The following ALK variants were observed in gnomAD, a reference collection of about 807,000 sequenced individuals.
ALK encodes ALK receptor tyrosine kinase.
A neutral mutation model predicts 163.1 loss-of-function variants in ALK; 74 were observed. The ratio of observed to expected loss-of-function variants is 0.45; its 90% CI spans 0.38 to 0.55. The LOEUF is 0.55. Among genes scored for constraint, ALK ranks in the 20% least tolerant of loss-of-function variants. The probability of loss-of-function intolerance (pLI) is 0.00; values close to 1 mark genes in which losing one functional copy is unlikely to be tolerated. For synonymous variants in ALK, 960 were observed against 843.2 expected (o/e 1.14, Z -2.40); for missense variants, 2,063 against 2,105.3 (o/e 0.98, Z 0.39).
intron 15 of ALK, among the ~76,000 whole-genome samples, chr2:29,229,828 C>T (rs1664142443): frequency 6.6e-6 from 1 of 152,204 alleles, no homozygotes; most frequent in East Asian, 1.9e-4. Context: ...GCCAGGCGCT[C>T]AGGAACTGCT....
At chr2:29,402,317 G>A (rs1669468053) in intron 4 of ALK, among the ~76,000 whole-genome samples, 1 of 152,206 alleles carries the variant, frequency 6.6e-6, no homozygotes, top group South Asian at 2.1e-4. Context: ...TTCCCCACAG[G>A]CCTGTGCCTA....
chr2:29,861,132 A>G (rs796451230), intron 1 of ALK, among the ~76,000 whole-genome samples: 2 of 152,306 alleles, frequency 1.3e-5, no homozygotes, highest in African/African-American at 2.4e-5. Context: ...TAATTGTACC[A>G]TTGCACTCCA....
chr2:29,582,860 CT>C (rs11406173), intron 3 of ALK, among the ~76,000 whole-genome samples: 3,721 of 137,736 alleles, frequency 0.027, 118 homozygotes, highest in African/African-American at 0.074. Flanking sequence ...CCCAGCACTC[CT>C]TTTTTTTTTT....
chr2:29,362,825 A>C (rs1558693871), intron 5 of ALK, among the ~76,000 whole-genome samples: 1 of 152,230 alleles, frequency 6.6e-6, no homozygotes, highest in Non-Finnish European at 1.5e-5. Context: ...TAGCAGGTAC[A>C]ATCCCCACTC....
chr2:29,841,206 A>AAAT (rs146131766), intron 1 of ALK, among the ~76,000 whole-genome samples: 7 of 152,224 alleles, frequency 4.6e-5, no homozygotes, highest in African/African-American at 1.7e-4. Context: ...ATTTAAAAAA[A>AAAT]AGACAAAATA....
chr2:29,595,299 GA>G (rs1228268630), intron 3 of ALK, among the ~76,000 whole-genome samples: 1 of 150,492 alleles, frequency 6.6e-6, no homozygotes, highest in African/African-American at 2.4e-5. Context: ...TTTCTTCACT[GA>G]GATCTGCTGT....
At chr2:29,846,315 C>G (rs182888201) in intron 1 of ALK, among the ~76,000 whole-genome samples, 1 of 152,218 alleles carries the variant, frequency 6.6e-6, no homozygotes, top group African/African-American at 2.4e-5. Flanking sequence ...TGGAACTCAA[C>G]AGCACCCCTC....
intron 3 of ALK, among the ~76,000 whole-genome samples, chr2:29,583,035 G>GTTTTGTTT (rs1553335208): frequency 1.9e-5 from 2 of 108,032 alleles, no homozygotes; most frequent in African/African-American, 6.7e-5. Flanking sequence ...GCTAACTTTT[G>GTTTTGTTT]TTTTTTGTTT....
intron 1 of ALK, among the ~76,000 whole-genome samples, chr2:29,804,349 A>G (rs1352750933): frequency 6.6e-6 from 1 of 152,248 alleles, no homozygotes. Context: ...GACTTTAAAT[A>G]TCTAGAATGG....
In ALK at chr2:29,251,046, A is replaced by T. The variant is rs1365001950; in HGVS notation, c.2204+59T>A. 2.5e-6 allele frequency: 4 copies of T among 1,572,978 alleles called. No individual in the cohort carries two copies. In the East Asian group the frequency reaches 6.9e-5, roughly 27 times the overall value. On this transcript the variant is annotated intron_variant, in intron 12 of 28. Transcript: ENST00000389048. Reference sequence around the variant, plus strand: ...CCAGGAACATGCACCCATAGGCAAGACTCCAGGCTTCTTCGGAAGGGGTGG... The same window carrying T: ...CCAGGAACATGCACCCATAGGCAAGTCTCCAGGCTTCTTCGGAAGGGGTGG...
At chr2:29,660,239 G>T (rs1259291620) in intron 3 of ALK, among the ~76,000 whole-genome samples, 1 of 152,138 alleles carries the variant, frequency 6.6e-6, no homozygotes, top group Non-Finnish European at 1.5e-5. Flanking sequence ...TTCTTGACTG[G>T]TCATGTTAAA....
intron 4 of ALK, among the ~76,000 whole-genome samples, chr2:29,397,500 G>T (rs890809396): frequency 6.6e-6 from 1 of 152,192 alleles, no homozygotes; most frequent in African/African-American, 2.4e-5. Flanking sequence ...CTGGTACTTT[G>T]TTATGGCAGT....
intron 5 of ALK, among the ~76,000 whole-genome samples, chr2:29,338,920 G>A (rs1481287885): frequency 6.6e-6 from 1 of 152,208 alleles, no homozygotes; most frequent in Non-Finnish European, 1.5e-5. Context: ...CTTCTACAAT[G>A]TGCCCAGCAC....
At chr2:29,865,858 A>T (rs1354919874) in intron 1 of ALK, among the ~76,000 whole-genome samples, 1 of 152,158 alleles carries the variant, frequency 6.6e-6, no homozygotes, top group Admixed American at 6.5e-5. Context: ...GTCCAAAATC[A>T]TATTGCCAGT....
intron 1 of ALK, among the ~76,000 whole-genome samples, chr2:29,763,569 C>T (rs1160419553): frequency 1.3e-5 from 2 of 152,164 alleles, no homozygotes; most frequent in South Asian, 2.1e-4. Context: ...TCAGCCCCCA[C>T]ATTTATGGGC....
At chr2:29,525,605 G>T (rs1672936816) in intron 4 of ALK, among the ~76,000 whole-genome samples, 1 of 151,770 alleles carries the variant, frequency 6.6e-6, no homozygotes, top group Admixed American at 6.6e-5. Context: ...GCCTGGCCAA[G>T]ATGGTAAAAC....
At chr2:29,256,141 G>A (rs1278739355) in intron 11 of ALK, among the ~76,000 whole-genome samples, 1 of 152,216 alleles carries the variant, frequency 6.6e-6, no homozygotes, top group African/African-American at 2.4e-5. Context: ...TAAAACCAGA[G>A]AGGCAAGAGA....
At chr2:29,598,483 T>A (rs1217769071) in intron 3 of ALK, among the ~76,000 whole-genome samples, 1 of 152,194 alleles carries the variant, frequency 6.6e-6, no homozygotes, top group Non-Finnish European at 1.5e-5. Flanking sequence ...CTTGTTCTTA[T>A]CCTAACAGTT....
At chr2:29,382,090 A>C (rs1448273483) in intron 5 of ALK, among the ~76,000 whole-genome samples, 1 of 152,204 alleles carries the variant, frequency 6.6e-6, no homozygotes, top group Non-Finnish European at 1.5e-5. Context: ...GAGCCACTGA[A>C]AGAAGGAAGC....
Sources: gnomAD v4.1 joint callset for allele counts (sites outside exome capture counted in the v4.1 genomes callset) on GRCh38, gnomAD v4.1.1 for gene constraint, MANE v1.5 for transcripts, NCBI Gene and HGNC (gene_info 2026-07-23, HGNC 2026-07-21) for gene names.